NEBL: variants seen among roughly 807,000 people sequenced by gnomAD.
NEBL encodes LIM and SH3 protein 2.
Under a neutral mutation model 140.2 loss-of-function variants are expected in NEBL, and 122 were observed. That is an observed-to-expected ratio of 0.87 (90% CI 0.75 to 1.01). The LOEUF (loss-of-function observed/expected upper bound fraction) is 1.01, where lower values mean the gene tolerates loss of function less well. Among genes scored for constraint, NEBL ranks in the 50% least tolerant of loss-of-function variants. NEBL has a pLI of 0.00. For missense variants in NEBL, 1,365 were observed against 1,231.3 expected (o/e 1.11, Z -1.62); for synonymous variants, 436 against 398.9 (o/e 1.09, Z -1.11).
intron 3 of NEBL, among the ~76,000 whole-genome samples, chr10:21,215,021 C>T (rs1423623093): frequency 1.3e-5 from 2 of 152,140 alleles, no homozygotes; most frequent in African/African-American, 2.4e-5. Context: ...CTGATCCCTC[C>T]GACCCCATGA....
At chr10:20,834,856 C>T (rs1223685284) in intron 14 of NEBL, among the ~76,000 whole-genome samples, 1 of 152,156 alleles carries the variant, frequency 6.6e-6, no homozygotes, top group African/African-American at 2.4e-5. Context: ...GAAAAATATG[C>T]ATATGGTCTG....
rs528091504 is a variant in NEBL at position 20,854,775 on chromosome 10, C to T, written c.904-2126G>A. Among the ~76,000 whole-genome samples the T allele has an allele frequency of 4.6e-5, 7 of 151,824 alleles. No individual in the cohort carries two copies. In the East Asian group the frequency reaches 5.8e-4, roughly 13 times the overall value. Reference sequence around the variant, plus strand: ...AGCTAGGGTCCCACTACGCTGCCCACGCTGGTCTCAAACTCCTGGCCTCAA... The same window carrying T: ...AGCTAGGGTCCCACTACGCTGCCCATGCTGGTCTCAAACTCCTGGCCTCAA... On this transcript the variant is annotated intron_variant, in intron 9 of 27. Transcript: ENST00000377122.
chr10:20,826,220 C>T (rs531079094), intron 18 of NEBL, among the ~76,000 whole-genome samples: 1 of 152,234 alleles, frequency 6.6e-6, no homozygotes, highest in East Asian at 1.9e-4. Flanking sequence ...AATGACCTAG[C>T]TCTTCTTCAT....
chr10:21,024,661 C>T (rs983902889), intron 2 of NEBL, among the ~76,000 whole-genome samples: 6 of 148,370 alleles, frequency 4.0e-5, no homozygotes, highest in Non-Finnish European at 8.8e-5. Context: ...CTGTAGGAAC[C>T]TAATTAATTT....
At chr10:20,966,443 A>T (rs1201974416) in intron 3 of NEBL, among the ~76,000 whole-genome samples, 1 of 152,254 alleles carries the variant, frequency 6.6e-6, no homozygotes, top group Non-Finnish European at 1.5e-5. Context: ...GAAAATAAAT[A>T]ACATGTGAAA....
chr10:21,023,765 C>T (rs756272967), intron 2 of NEBL, among the ~76,000 whole-genome samples: 3 of 151,576 alleles, frequency 2.0e-5, no homozygotes, highest in Non-Finnish European at 4.4e-5. Context: ...AAAGAGTATC[C>T]TGAGATTGAA....
chr10:20,808,071 T>G (rs1837772720), intron 26 of NEBL, among the ~76,000 whole-genome samples: 1 of 152,028 alleles, frequency 6.6e-6, no homozygotes, highest in East Asian at 1.9e-4. Flanking sequence ...TATATTAATA[T>G]TTAAAATATA....
chr10:20,788,987 T>A (rs748964173), intron 26 of NEBL, among the ~76,000 whole-genome samples: 9 of 152,160 alleles, frequency 5.9e-5, no homozygotes, highest in African/African-American at 9.7e-5. Context: ...ATAGTAAGCC[T>A]TCACAAATGG....
intron 1 of NEBL, among the ~76,000 whole-genome samples, chr10:21,273,684 G>T (rs1020119266): frequency 1.3e-5 from 2 of 152,206 alleles, no homozygotes; most frequent in Admixed American, 6.6e-5. Flanking sequence ...CCCTTAAGAT[G>T]CAGCTTCTAG....
At chr10:20,828,713 G>T (rs1224175722) in intron 16 of NEBL, 79 bp from the exon 17 acceptor site, 2 of 901,592 alleles carry the variant, frequency 2.2e-6, no homozygotes, top group Non-Finnish European at 3.6e-6. Context: ...AGGCAGGAAA[G>T]GAGGAAGGGA....
At chr10:20,831,848 C>A (rs112513911) in intron 14 of NEBL, among the ~76,000 whole-genome samples, 1 of 152,076 alleles carries the variant, frequency 6.6e-6, no homozygotes, top group East Asian at 1.9e-4. Flanking sequence ...GAAAATTTAA[C>A]ATTTCAATAT....
intron 4 of NEBL, among the ~76,000 whole-genome samples, chr10:20,920,023 G>T (rs1207687663): frequency 6.6e-6 from 1 of 152,152 alleles, no homozygotes; most frequent in East Asian, 1.9e-4. Flanking sequence ...ACAGAAAACA[G>T]ATACAAATGG....
intron 7 of NEBL, among the ~76,000 whole-genome samples, chr10:20,862,148 A>C (rs1326895389): frequency 1.3e-5 from 2 of 152,222 alleles, no homozygotes; most frequent in African/African-American, 4.8e-5. Context: ...GTAAGGTTAA[A>C]CAGTCTTAAA....
chr10:20,859,488 C>T (rs1246968893), intron 8 of NEBL, among the ~76,000 whole-genome samples: 1 of 151,956 alleles, frequency 6.6e-6, no homozygotes, highest in East Asian at 1.9e-4. Flanking sequence ...GATATAATAA[C>T]TTCATTTGCA....
intron 2 of NEBL, among the ~76,000 whole-genome samples, chr10:21,129,702 T>G (rs1023466127): frequency 7.9e-5 from 12 of 151,544 alleles, no homozygotes; most frequent in African/African-American, 2.7e-4. Flanking sequence ...ATTGCAAACC[T>G]CAGGGCAACC....
intron 16 of NEBL, among the ~76,000 whole-genome samples, chr10:20,829,091 T>C (rs564681703): frequency 2.0e-5 from 3 of 152,052 alleles, no homozygotes; most frequent in Non-Finnish European, 2.9e-5. Context: ...GCAGATACTA[T>C]TATTATTTCC....
At chr10:20,980,836 A>G (rs574942684) in intron 3 of NEBL, among the ~76,000 whole-genome samples, 1 of 152,260 alleles carries the variant, frequency 6.6e-6, no homozygotes, top group Admixed American at 6.5e-5. Context: ...TAAACAAAGC[A>G]TATTTTAAGT....
intron 4 of NEBL, among the ~76,000 whole-genome samples, chr10:20,961,060 G>A (rs1389362483): frequency 6.6e-6 from 1 of 152,124 alleles, no homozygotes; most frequent in African/African-American, 2.4e-5. Context: ...TCACAGGTGT[G>A]AATTACCAAA....
At chr10:20,988,729 T>C (rs944049726) in intron 3 of NEBL, among the ~76,000 whole-genome samples, 4 of 152,192 alleles carry the variant, frequency 2.6e-5, no homozygotes, top group African/African-American at 4.8e-5. Context: ...ACTTCTCTTC[T>C]CTTACTTGGG....
Sources: allele counts gnomAD v4.1 joint callset (sites outside exome capture counted in the v4.1 genomes callset), GRCh38; gene constraint gnomAD v4.1.1; transcripts MANE v1.5; gene names NCBI Gene and HGNC (gene_info 2026-07-23, HGNC 2026-07-21).